The following PTPRB variants were observed in gnomAD, a reference collection of about 807,000 sequenced individuals.
PTPRB encodes the protein protein tyrosine phosphatase receptor type B, also known as receptor-type tyrosine-protein phosphatase beta.
Under a neutral mutation model 238.1 loss-of-function variants are expected in PTPRB, and 97 were observed. That is an observed-to-expected ratio of 0.41 (90% CI 0.35 to 0.48). The LOEUF (loss-of-function observed/expected upper bound fraction) is 0.48, where lower values mean the gene tolerates loss of function less well. Among genes scored for constraint, PTPRB ranks in the 20% least tolerant of loss-of-function variants. The pLI is 0.30. For missense variants in PTPRB, 2,292 were observed against 2,681.9 expected (o/e 0.85, Z 3.21); for synonymous variants, 970 against 995.4 (o/e 0.97, Z 0.48).
At position 70,637,368 on chromosome 12, in the gene PTPRB, G is replaced by T; in HGVS notation, c.28C>A (p.Leu10Ile). ...GAGTTCCTGAAGATCAAGCAGGTAA[G>T]AATCACCATGTAAAATTCAGCCTCC... MEAEFYMVI[L>I]TCLIFRNSEG... The change falls in exon 1 of 34, where the codon CTT becomes ATT. Residue 10 changes from leucine (L) to isoleucine (I), a missense_variant. Leu to Ile is a conservative substitution (Grantham distance 5, BLOSUM62 2). Coordinates refer to ENST00000334414, the MANE Select transcript of PTPRB (RefSeq NM_001109754.4). The T allele has an allele frequency of 6.2e-7, 1 of 1,609,138 alleles. No homozygotes were observed. Among genetic ancestry groups the T allele is most frequent in the South Asian group, 1.1e-5 (1 of 89,654 alleles).
intron 4 of PTPRB, among the ~76,000 whole-genome samples, chr12:70,605,222 T>C (rs1024591411): frequency 6.6e-6 from 1 of 152,200 alleles, no homozygotes; most frequent in Admixed American, 6.5e-5. Flanking sequence ...ACTACAACTC[T>C]TCCCTGGGCT....
At chr12:70,541,827 T>C (rs1420914058) in intron 22 of PTPRB, 2 of 152,226 alleles carry the variant, frequency 1.3e-5, no homozygotes, top group African/African-American at 4.8e-5. Context: ...AATCGTCCAT[T>C]GTATGGATAT....
chr12:70,609,963 A>C, intron 3 of PTPRB: 1 of 524,392 alleles, frequency 1.9e-6, no homozygotes, highest in Non-Finnish European at 2.9e-6. Flanking sequence ...CGCAGGGGCC[A>C]CTGCGGCCAC....
intron 28 of PTPRB, among the ~76,000 whole-genome samples, chr12:70,536,948 G>A (rs149786868): frequency 7.2e-4 from 110 of 152,230 alleles, no homozygotes; most frequent in Middle Eastern, 3.4e-3. Context: ...ACTGAGTGCC[G>A]TTCTCAGACC....
intron 3 of PTPRB, among the ~76,000 whole-genome samples, chr12:70,611,522 A>C (rs1302158994): frequency 1.3e-5 from 2 of 150,096 alleles, no homozygotes; most frequent in Non-Finnish European, 3.0e-5. Context: ...CTGGCCTTGA[A>C]CTCCTGACCT....
intron 19 of PTPRB, 62 bp from the exon 20 acceptor site, chr12:70,555,371 AAC>A: frequency 1.4e-6 from 2 of 1,461,476 alleles, no homozygotes; most frequent in East Asian, 4.8e-5. Flanking sequence ...CAGCATAAAC[AAC>A]AGTTAGTGAA....
chr12:70,590,886 C>T (rs1001473902), intron 7 of PTPRB, among the ~76,000 whole-genome samples: 1 of 150,976 alleles, frequency 6.6e-6, no homozygotes, highest in Non-Finnish European at 1.5e-5. Context: ...CCCTCTTTGT[C>T]ACAAACGTTA....
intron 16 of PTPRB, among the ~76,000 whole-genome samples, chr12:70,561,626 C>G (rs146356211): frequency 2.0e-5 from 3 of 152,322 alleles, no homozygotes; most frequent in Non-Finnish European, 2.9e-5. Flanking sequence ...TATCGCTGCT[C>G]TTTTTCACTC....
At chr12:70,626,850 T>A (rs534851415) in intron 2 of PTPRB, among the ~76,000 whole-genome samples, 1 of 151,880 alleles carries the variant, frequency 6.6e-6, no homozygotes, top group South Asian at 2.1e-4. Context: ...TAAATAATTA[T>A]TGGAAATGGT....
At chr12:70,581,593 G>C (rs990669390) in intron 9 of PTPRB, among the ~76,000 whole-genome samples, 2 of 151,936 alleles carry the variant, frequency 1.3e-5, no homozygotes, top group African/African-American at 4.8e-5. Flanking sequence ...GATAATGAAG[G>C]CTGCTATTTT....
intron 15 of PTPRB, among the ~76,000 whole-genome samples, chr12:70,566,142 A>G (rs911126455): frequency 1.2e-4 from 18 of 152,218 alleles, no homozygotes; most frequent in African/African-American, 4.3e-4. Context: ...CAGGACTAGA[A>G]AATAATAAAT....
At chr12:70,557,892 G>T (rs995681726) in intron 18 of PTPRB, among the ~76,000 whole-genome samples, 10 of 152,150 alleles carry the variant, frequency 6.6e-5, no homozygotes, top group African/African-American at 2.4e-4. Flanking sequence ...TTCTACTGTG[G>T]CCCGAGAGGG....
intron 27 of PTPRB, chr12:70,538,516 A>G: frequency 2.2e-6 from 1 of 459,608 alleles, no homozygotes; most frequent in Non-Finnish European, 3.9e-6. Flanking sequence ...CACTGCTGGA[A>G]TGAATACAAT....
intron 4 of PTPRB, among the ~76,000 whole-genome samples, chr12:70,606,871 A>G (rs1244751756): frequency 1.3e-5 from 2 of 152,254 alleles, no homozygotes; most frequent in Non-Finnish European, 2.9e-5. Flanking sequence ...CTAAACAACC[A>G]TCATACAAAT....
At chr12:70,571,545 T>C (rs1880051463) in intron 12 of PTPRB, 4 of 582,532 alleles carry the variant, frequency 6.9e-6, no homozygotes, top group Admixed American at 7.0e-5. Context: ...AATCATAAGA[T>C]AAAACAAGAA....
At position 70,569,900 on chromosome 12, in the gene PTPRB, C is replaced by G; in HGVS notation, c.3409G>C (p.Gly1137Arg). The G allele has an allele frequency of 6.2e-7, 1 of 1,612,278 alleles. No homozygotes were observed. Among genetic ancestry groups the G allele is most frequent in the Non-Finnish European group, 8.5e-7 (1 of 1,178,384 alleles). Reference protein sequence around the residue: ...AVKNIHISPNGATDSLTVNWT... With the variant: ...AVKNIHISPNRATDSLTVNWT... Reference sequence around the variant, plus strand: ...TTCACCGTCAGGCTATCTGTTGCTCCATTGGGAGAAATGTGAATATTTTTG... The same window carrying G: ...TTCACCGTCAGGCTATCTGTTGCTCGATTGGGAGAAATGTGAATATTTTTG... Residue 1137 changes from glycine (G) to arginine (R), a missense_variant, in exon 14 of 34, where the codon GGA becomes CGA. Coordinates refer to ENST00000334414, the MANE Select transcript of PTPRB (RefSeq NM_001109754.4).
chr12:70,516,719 T>A lies in PTPRB; in HGVS notation c.*4770A>T, dbSNP rs1013198830. ...TTCTAGAAGGGACACATTGCATTTG[T>A]CTGACATTATTCACAGTTTTGAATA... On this transcript the variant is annotated 3_prime_UTR_variant, in exon 34 of 34. Transcript: ENST00000334414. 6.6e-6 allele frequency: 1 copy of A among 152,232 alleles called. No individual in the cohort carries two copies. Among genetic ancestry groups the A allele is most frequent in the African/African-American group, 2.4e-5 (1 of 41,448 alleles). The allele number at this position is 152,232 out of a possible 1,614,324, so 9.4% of individuals were successfully genotyped here. A position where few individuals can be genotyped will look rare whatever the true frequency, so the allele number is the denominator to read the frequency against.
At chr12:70,529,526 T>C (rs544490076) in intron 32 of PTPRB, among the ~76,000 whole-genome samples, 1 of 152,250 alleles carries the variant, frequency 6.6e-6, no homozygotes, top group South Asian at 2.1e-4. Context: ...TGTAGGATAT[T>C]TGTTCATTCA....
chr12:70,564,669 A>C (rs1878997800), intron 15 of PTPRB, among the ~76,000 whole-genome samples: 1 of 151,760 alleles, frequency 6.6e-6, no homozygotes, highest in Non-Finnish European at 1.5e-5. Context: ...CTGTGTCTAC[A>C]AGAAAATACA....
Sources: gnomAD v4.1 joint callset for allele counts (sites outside exome capture counted in the v4.1 genomes callset) on GRCh38, gnomAD v4.1.1 for gene constraint, MANE v1.5 for transcripts, NCBI Gene and HGNC (gene_info 2026-07-23, HGNC 2026-07-21) for gene names.